Variants in TNS1 observed in about 807,000 individuals in gnomAD.
TNS1 encodes the protein tensin 1.
In TNS1, 62 loss-of-function variants were observed where a neutral mutation model predicts 168.6. The ratio of observed to expected loss-of-function variants is 0.37; its 90% confidence interval spans 0.30 to 0.45. The LOEUF (loss-of-function observed/expected upper bound fraction) is 0.45, where lower values mean the gene tolerates loss of function less well. Among genes scored for constraint, TNS1 ranks in the 20% least tolerant of loss-of-function variants. TNS1 has a pLI of 1.00. For synonymous variants in TNS1, 934 were observed against 933.2 expected (o/e 1.00, Z -0.02); for missense variants, 2,240 against 2,339.4 (o/e 0.96, Z 0.88).
intron 3 of TNS1, among the ~76,000 whole-genome samples, chr2:217,961,729 T>C (rs778097889): frequency 6.6e-6 from 1 of 152,166 alleles, no homozygotes; most frequent in Non-Finnish European, 1.5e-5. Flanking sequence ...CATGTTGACA[T>C]AGGAAATGAT....
intron 18 of TNS1, chr2:217,879,379 A>T (rs1331634205): frequency 1.6e-5 from 7 of 448,654 alleles, no homozygotes; most frequent in Non-Finnish European, 3.1e-5. Flanking sequence ...GAAACCTCAG[A>T]ACAAATTCGC....
rs761995104 is a variant in TNS1 at position 217,818,472 on chromosome 2, C to T, written c.3860G>A (p.Arg1287Lys). Reference sequence around the variant, plus strand: ...AGGGGGAGTGTTGGTGCCCACTGTTCTGTGGCGCGCCTGAGGGCTCCCAGG... The same window carrying T: ...AGGGGGAGTGTTGGTGCCCACTGTTTTGTGGCGCGCCTGAGGGCTCCCAGG... ...TVPGSPQARH[R>K]TVGTNTPPSP... The change falls in exon 24 of 33, where the codon AGA (arginine) becomes AAA (lysine). Residue 1287 changes from arginine (R) to lysine (K), a missense_variant. Transcript: ENST00000682258. The T allele has an allele frequency of 6.2e-7, 1 of 1,614,232 alleles. No homozygotes were observed. The highest frequency in any genetic ancestry group is 1.1e-5 in the South Asian group (1 of 91,084).
chr2:217,951,239 G>T (rs190535825), intron 3 of TNS1, among the ~76,000 whole-genome samples: 9 of 152,266 alleles, frequency 5.9e-5, no homozygotes, highest in African/African-American at 2.2e-4. Context: ...TGCAAGATCT[G>T]GCCTAGAGCA....
At chr2:218,011,701 G>A (rs977028406), upstream of TNS1, among the ~76,000 whole-genome samples, 1 of 151,836 alleles carries the variant, frequency 6.6e-6, no homozygotes, top group Admixed American at 6.6e-5. Flanking sequence ...TGCCCCCCGC[G>A]ACAGATTCCT....
At chr2:217,865,141 T>C (rs1255964745) in intron 18 of TNS1, among the ~76,000 whole-genome samples, 1 of 151,414 alleles carries the variant, frequency 6.6e-6, no homozygotes, top group African/African-American at 2.4e-5. Context: ...TGACTATGAG[T>C]CAAGGGGTCC....
chr2:217,885,565 G>A (rs1951114853), intron 15 of TNS1, among the ~76,000 whole-genome samples, 179 bp downstream of exon 15: 1 of 152,186 alleles, frequency 6.6e-6, no homozygotes, highest in South Asian at 2.1e-4. Flanking sequence ...CTAAGCCCAG[G>A]GTGAGAGACA....
At chr2:217,896,701 T>C (rs1952342817) in intron 8 of TNS1, among the ~76,000 whole-genome samples, 1 of 152,188 alleles carries the variant, frequency 6.6e-6, no homozygotes, top group South Asian at 2.1e-4. Flanking sequence ...AGGATTTGGA[T>C]CTAGGACCCC....
rs1010166471 is a variant in TNS1 at position 217,821,886 on chromosome 2, T to C, written c.3426A>G (p.Arg1142=). Residue 1142 remains arginine (R), a synonymous_variant, in exon 23 of 33, where the codon CGA becomes CGG. Coordinates refer to ENST00000682258, the MANE Select transcript of TNS1 (RefSeq NM_001387777.1). ...AGCTCTTGGGCTCAGAGTCCTGAGC[T>C]CGGGGTCCAGCCACCGCTGTCCGTG... The part of the protein sequence containing the change: ...SVARTAVAGP[R]AQDSEPKSFS... The C allele has an allele frequency of 1.6e-5, 26 of 1,589,594 alleles. No homozygotes were observed. The East Asian group carries it at 5.5e-4, about 34-fold the overall frequency.
At chr2:217,805,382 G>T (rs557516545) in intron 32 of TNS1, among the ~76,000 whole-genome samples, 1 of 113,514 alleles carries the variant, frequency 8.8e-6, no homozygotes. Context: ...GTTAGCAAAG[G>T]GGGATTCTGC....
At chr2:217,937,379 G>A (rs960499839) in intron 3 of TNS1, among the ~76,000 whole-genome samples, 1 of 152,124 alleles carries the variant, frequency 6.6e-6, no homozygotes, top group East Asian at 1.9e-4. Flanking sequence ...CGGACCCAAG[G>A]AGCCAACCCC....
intron 22 of TNS1, among the ~76,000 whole-genome samples, chr2:217,827,991 G>T (rs1386064897): frequency 6.6e-6 from 1 of 152,240 alleles, no homozygotes; most frequent in African/African-American, 2.4e-5. Flanking sequence ...AAGTCAACCA[G>T]CTGCGAGGAG....
intron 3 of TNS1, among the ~76,000 whole-genome samples, chr2:217,923,401 C>T (rs1271231456): frequency 5.3e-5 from 8 of 152,260 alleles, no homozygotes; most frequent in African/African-American, 1.4e-4. Flanking sequence ...GTGCCAGGCA[C>T]TGTTCTCAGC....
chr2:217,977,361 C>A (rs538756762), intron 3 of TNS1, among the ~76,000 whole-genome samples: 24 of 152,330 alleles, frequency 1.6e-4, no homozygotes, highest in African/African-American at 5.5e-4. Context: ...ATGGAGGTAC[C>A]TGCTGCAAGC....
intron 32 of TNS1, among the ~76,000 whole-genome samples, chr2:217,805,790 C>A (rs1938889639): frequency 1.3e-5 from 2 of 150,830 alleles, no homozygotes; most frequent in Non-Finnish European, 1.5e-5. Context: ...ATACACCACA[C>A]ACACACAAAC....
At position 217,978,899 on chromosome 2, in the gene TNS1, T is replaced by C. The variant is rs1957962524; in HGVS notation, c.149-97A>G. The C allele has an allele frequency of 1.0e-5, 7 of 690,226 alleles. No individual in the cohort carries two copies. In the Admixed American group the frequency reaches 1.4e-4, roughly 14 times the overall value. The allele number at this position is 690,226 out of a possible 1,614,324, so 42.8% of individuals were successfully genotyped here. On this transcript the variant is annotated intron_variant, in intron 2 of 32. Transcript: ENST00000682258. ...TCCCACCCCAGCCCGCAATCCGCGC[T>C]CGGGAAGGAAGGAGGGAAGGAGGGA...
chr2:217,815,255 G>T (rs1428469511), intron 24 of TNS1: 5 of 452,078 alleles, frequency 1.1e-5, no homozygotes, highest in Admixed American at 3.3e-5. Flanking sequence ...TGCAGGCAGA[G>T]ACTGGGGTGA....
chr2:217,906,523 T>C (rs1953727460), intron 5 of TNS1, 138 bp from the exon 6 acceptor site: 2 of 641,916 alleles, frequency 3.1e-6, no homozygotes, highest in East Asian at 5.5e-5. Context: ...TGTTTCACAT[T>C]TCTTTGCCCA....
At chr2:217,835,196 G>C in intron 20 of TNS1, 30 bp from the exon 21 acceptor site, 1 of 1,593,344 alleles carries the variant, frequency 6.3e-7, no homozygotes, top group African/African-American at 1.4e-5. Context: ...AGAAAAAGAG[G>C]GAAACCATGA....
chr2:218,005,579 G>T (rs1222628736), upstream of TNS1, among the ~76,000 whole-genome samples: 1 of 152,194 alleles, frequency 6.6e-6, no homozygotes, highest in Non-Finnish European at 1.5e-5. Context: ...TTCCAGGCTT[G>T]TCAGCCTTTA....
Sources: gnomAD v4.1 joint callset for allele counts (sites outside exome capture counted in the v4.1 genomes callset) on GRCh38, gnomAD v4.1.1 for gene constraint, MANE v1.5 for transcripts, NCBI Gene and HGNC (gene_info 2026-07-23, HGNC 2026-07-21) for gene names.